Variants in LIFR observed in about 807,000 individuals in gnomAD.
LIFR encodes the protein LIF receptor subunit alpha.
A neutral mutation model predicts 122.2 loss-of-function variants in LIFR; 84 were observed. The ratio of observed to expected loss-of-function variants is 0.69; its 90% CI spans 0.58 to 0.82. LIFR has a LOEUF of 0.82. LIFR is among the 40% of genes least tolerant of loss of function. The pLI, the probability that LIFR is intolerant of heterozygous loss-of-function variation, is 0.00. For synonymous variants in LIFR, 422 were observed against 434.7 expected, an observed-to-expected ratio of 0.97 and a Z score of 0.36; for missense variants, 1,294 against 1,311.6, an observed-to-expected ratio of 0.99 and a Z score of 0.21.
At chr5:38,514,646 T>C (rs1442201371) in intron 5 of LIFR, among the ~76,000 whole-genome samples, 2 of 152,198 alleles carry the variant, frequency 1.3e-5, no homozygotes, top group Non-Finnish European at 2.9e-5. Flanking sequence ...ATATCTACAA[T>C]AGCAAATAAC....
At chr5:38,561,473 A>G (rs1222722222), upstream of LIFR, among the ~76,000 whole-genome samples, 1 of 152,206 alleles carries the variant, frequency 6.6e-6, no homozygotes, top group African/African-American at 2.4e-5. Context: ...TGACAAAATG[A>G]GTTAATTCCT....
intron 1 of LIFR, among the ~76,000 whole-genome samples, chr5:38,535,177 C>G (rs1013263732): frequency 6.6e-6 from 1 of 152,138 alleles, no homozygotes; most frequent in Non-Finnish European, 1.5e-5. Context: ...GCTGTGTGTC[C>G]GGGCCACACT....
chr5:38,563,830 C>T lies in LIFR; in HGVS notation c.-20+31431G>A, dbSNP rs190362226. Among the ~76,000 whole-genome samples, 199 of 152,312 alleles carry T rather than the reference C, an allele frequency of 1.3e-3. 4 individuals carry two copies. The East Asian group carries it at 0.03, about 23-fold the overall frequency. On this transcript the variant is annotated intron_variant, in intron 1 of 19. Coordinates refer to the LIFR transcript ENST00000263409. ...CATGGCAGTCTGGCTCCAAAGCCCA[C>T]ACTCCTCATTCCTGAACGCTATGTT...
At chr5:38,517,157 T>A (rs930078956) in intron 5 of LIFR, among the ~76,000 whole-genome samples, 1 of 152,108 alleles carries the variant, frequency 6.6e-6, no homozygotes, top group Non-Finnish European at 1.5e-5. Flanking sequence ...TACACCTATG[T>A]AACAAACCTT....
intron 1 of LIFR, among the ~76,000 whole-genome samples, chr5:38,576,622 G>A (rs988474934): frequency 2.6e-5 from 4 of 152,184 alleles, no homozygotes; most frequent in South Asian, 2.1e-4. Context: ...CAAATGCCAA[G>A]AGTGAAAGAA....
At position 38,484,823 on chromosome 5, in the gene LIFR, A is replaced by G; in HGVS notation, c.2543T>C (p.Val848Ala). 1 of 1,613,752 alleles carries G rather than the reference A, an allele frequency of 6.2e-7. No individual in the cohort carries two copies. The highest frequency in any genetic ancestry group is 1.3e-5 in the African/African-American group (1 of 75,022). ...IAILIPVAVA[V>A]IVGVVTSILC... is the part of the protein sequence containing the mutation. ...GATACTTGTCACCACTCCAACAATG[A>G]CAGCCACTGCCACTGGGATGAGAAT... Residue 848 changes from valine to alanine, a missense_variant, in exon 18 of 20, where the codon GTC becomes GCC. Transcript: ENST00000453190.
chr5:38,553,019 T>C (rs767853971), intron 1 of LIFR, among the ~76,000 whole-genome samples: 2 of 152,152 alleles, frequency 1.3e-5, no homozygotes, highest in Non-Finnish European at 2.9e-5. Flanking sequence ...CCCACGTCTG[T>C]AAACATTTCT....
At chr5:38,561,837 C>G (rs1748849231) in intron 1 of LIFR, among the ~76,000 whole-genome samples, 1 of 152,136 alleles carries the variant, frequency 6.6e-6, no homozygotes. Flanking sequence ...CCCTTTGGTT[C>G]CATTGTATTG....
intron 14 of LIFR, 55 bp downstream of exon 14, chr5:38,493,551 T>C (rs1262960566): frequency 3.9e-6 from 6 of 1,519,198 alleles, no homozygotes; most frequent in African/African-American, 1.4e-5. Flanking sequence ...GTCTTACGTG[T>C]TGCCTTTTAA....
chr5:38,520,794 A>C (rs1746358969), intron 5 of LIFR, among the ~76,000 whole-genome samples: 1 of 152,162 alleles, frequency 6.6e-6, no homozygotes, highest in Non-Finnish European at 1.5e-5. Context: ...TGGTCTATGT[A>C]TCTGTTTTTA....
At chr5:38,512,925 A>G (rs1429300718) in intron 5 of LIFR, among the ~76,000 whole-genome samples, 2 of 150,914 alleles carry the variant, frequency 1.3e-5, no homozygotes, top group East Asian at 1.9e-4. Flanking sequence ...TGTTTTTTAT[A>G]TAAGTATTCT....
intron 5 of LIFR, among the ~76,000 whole-genome samples, chr5:38,521,502 A>G (rs1393924380): frequency 1.3e-5 from 2 of 152,294 alleles, no homozygotes; most frequent in Non-Finnish European, 2.9e-5. Flanking sequence ...GGGTCCCGGC[A>G]GTGGAAGTGG....
At chr5:38,562,021 C>T (rs554917795) in intron 1 of LIFR, among the ~76,000 whole-genome samples, 5 of 152,142 alleles carry the variant, frequency 3.3e-5, no homozygotes, top group Non-Finnish European at 5.9e-5. Context: ...CTCCCTGAGC[C>T]AAAAGCCTAG....
intron 6 of LIFR, among the ~76,000 whole-genome samples, chr5:38,511,449 G>A (rs1745797621): frequency 6.6e-6 from 1 of 151,716 alleles, no homozygotes. Flanking sequence ...TCTGCTCTGT[G>A]AGCCAGAAAT....
At chr5:38,522,019 G>A (rs1222874640) in intron 5 of LIFR, among the ~76,000 whole-genome samples, 1 of 152,186 alleles carries the variant, frequency 6.6e-6, no homozygotes, top group Non-Finnish European at 1.5e-5. Flanking sequence ...CAGGCATGCG[G>A]TGTTCCCCAT....
intron 11 of LIFR, among the ~76,000 whole-genome samples, chr5:38,499,859 C>CCA (rs1745086038): frequency 6.6e-6 from 1 of 152,160 alleles, no homozygotes; most frequent in African/African-American, 2.4e-5. Context: ...CCTTTCTTGG[C>CCA]CACACACTGG....
rs547671674 is a variant in LIFR, at chr5:38,506,710, T to C, written c.992-78A>G. On this transcript the variant is annotated intron_variant, in intron 7 of 19. Coordinates refer to ENST00000453190, the MANE Select transcript of LIFR (RefSeq NM_001127671.2). ...CATAATATTTTATAAACGTCAATGT[T>C]TTCCACAATTTCCTAAAAAATGAAA... The C allele has an allele frequency of 9.5e-6, 11 of 1,157,890 alleles. No individual in the cohort carries two copies. In the East Asian group the frequency reaches 2.7e-4, roughly 28 times the overall value. The allele number at this position is 1,157,890 out of a possible 1,614,324, so 71.7% of individuals were successfully genotyped here.
intron 1 of LIFR, among the ~76,000 whole-genome samples, chr5:38,565,259 A>G (rs2112701983): frequency 6.6e-6 from 1 of 152,350 alleles, no homozygotes; most frequent in South Asian, 2.1e-4. Flanking sequence ...TTCAATGAAG[A>G]TTCCTTTCCT....
chr5:38,535,527 G>A (rs1022361987), intron 1 of LIFR, among the ~76,000 whole-genome samples: 1 of 152,170 alleles, frequency 6.6e-6, no homozygotes. Flanking sequence ...TGTTAGAGCT[G>A]AGTGGCTAGG....
Sources: gnomAD v4.1 joint callset for allele counts (sites outside exome capture counted in the v4.1 genomes callset) on GRCh38, gnomAD v4.1.1 for gene constraint, MANE v1.5 for transcripts, NCBI Gene and HGNC (gene_info 2026-07-23, HGNC 2026-07-21) for gene names.